WDR35: variants seen among roughly 807,000 people sequenced by gnomAD.
WDR35 encodes WD repeat domain 35, also known as WD repeat-containing protein 35.
In WDR35, 118 loss-of-function variants were observed where a neutral mutation model predicts 158.3. The observed-to-expected ratio is 0.75, with a 90% CI of 0.64 to 0.87. The LOEUF is 0.87. Ranked by LOEUF, WDR35 falls within the 40% of genes least tolerant of loss-of-function variation. The probability of loss-of-function intolerance (pLI) is 0.00; values close to 1 mark genes in which losing one functional copy is unlikely to be tolerated. For missense variants in WDR35, 1,263 were observed against 1,405.8 expected, an observed-to-expected ratio of 0.90 and a Z score of 1.62; for synonymous variants, 448 against 476.1, an observed-to-expected ratio of 0.94 and a Z score of 0.77.
At chr2:19,939,846 C>T (rs1016059664) in intron 17 of WDR35, among the ~76,000 whole-genome samples, 7 of 151,876 alleles carry the variant, frequency 4.6e-5, no homozygotes, top group African/African-American at 1.5e-4. Context: ...CAGATCCTTG[C>T]TAAATGTTAG....
At position 19,934,727 on chromosome 2, in the gene WDR35, C is replaced by T. The variant is rs898324257; in HGVS notation, c.2547+744G>A. Among the ~76,000 whole-genome samples the T allele has an allele frequency of 1.3e-5, 2 of 151,988 alleles. No homozygotes were observed. Among genetic ancestry groups the T allele is most frequent in the Non-Finnish European group, 1.5e-5 (1 of 67,986 alleles). On this transcript the variant is annotated intron_variant, in intron 21 of 26. Coordinates refer to ENST00000281405, the MANE Select transcript of WDR35 (RefSeq NM_020779.4). The surrounding 1 kb of genome is among the most constrained non-coding windows in gnomAD (Gnocchi z 4.6). Reference sequence around the variant, plus strand: ...AGTTTCTTTCCTACTCAAGAAAACCCATAGGATTGAAAATAAGGGTGAGTG... The same window carrying T: ...AGTTTCTTTCCTACTCAAGAAAACCTATAGGATTGAAAATAAGGGTGAGTG...
chr2:19,951,515 T>TA, intron 12 of WDR35, 31 bp from the exon 13 acceptor site: 2 of 1,549,254 alleles, frequency 1.3e-6, no homozygotes, highest in Non-Finnish European at 1.8e-6. Flanking sequence ...TCAAAGAAAG[T>TA]TTAAGTATAG....
intron 2 of WDR35, among the ~76,000 whole-genome samples, chr2:19,983,230 A>C (rs1356816937): frequency 6.6e-6 from 1 of 152,188 alleles, no homozygotes; most frequent in Non-Finnish European, 1.5e-5. Flanking sequence ...GGAGATAGCC[A>C]GGAAAGGTAG....
rs1052582676 is a variant in WDR35 at position 19,966,717 on chromosome 2, C to T, written c.1194+7G>A. On this transcript the variant is annotated splice_region_variant and intron_variant, in intron 10 of 26. Coordinates refer to ENST00000281405, the MANE Select transcript of WDR35 (RefSeq NM_020779.4). ...AGCTATGTCTTAAGATATCAAGAAA[C>T]ACCTACCTGAGGATGATTTTCATCA... The T allele has an allele frequency of 6.2e-7, 1 of 1,613,398 alleles. No individual in the cohort carries two copies. The highest frequency in any genetic ancestry group is 8.5e-7 in the Non-Finnish European group (1 of 1,179,810).
At position 19,932,280 on chromosome 2, in the gene WDR35, T is replaced by C; in HGVS notation, c.2823+3A>G. On this transcript the variant is annotated splice_donor_region_variant and intron_variant, in intron 23 of 26. Coordinates refer to ENST00000281405, the MANE Select transcript of WDR35 (RefSeq NM_020779.4). ...CAACTATTCACCAAGATTTTTACAT[T>C]ACCTTAAACATCAGTTTAGCTGCAT... The C allele has an allele frequency of 6.2e-7, 1 of 1,613,166 alleles. No individual in the cohort carries two copies. Among genetic ancestry groups the C allele is most frequent in the East Asian group, 2.2e-5 (1 of 44,702 alleles).
chr2:19,930,217 G>A (rs1670481324), intron 25 of WDR35, among the ~76,000 whole-genome samples, 179 bp downstream of exon 25: 1 of 151,876 alleles, frequency 6.6e-6, no homozygotes, highest in Admixed American at 6.6e-5. Flanking sequence ...TGAACTATGT[G>A]TTTTCTCTGT....
rs747912198 is a variant in WDR35 at position 19,974,571 on chromosome 2, A to G, written c.633T>C (p.His211=). 3.0e-5 allele frequency: 49 copies of G among 1,613,512 alleles called. No individual in the cohort carries two copies. The highest frequency in any genetic ancestry group is 3.7e-5 in the Non-Finnish European group (44 of 1,179,808). The part of the protein sequence containing the change: ...VTGAISIAGI[H]WYHGTEGYVE... ...CGTAGCCTTCTGTGCCATGGTACCAATGAATTCCAGCAATGCTGATAGCTC... is the reference window on the plus strand; with the variant it reads ...CGTAGCCTTCTGTGCCATGGTACCAGTGAATTCCAGCAATGCTGATAGCTC... Residue 211 remains histidine (H), a synonymous_variant, in exon 7 of 27, where the codon CAT becomes CAC. Coordinates refer to ENST00000281405, the MANE Select transcript of WDR35 (RefSeq NM_020779.4).
chr2:19,972,705 A>G (rs1045041933), intron 8 of WDR35, among the ~76,000 whole-genome samples: 1 of 152,114 alleles, frequency 6.6e-6, no homozygotes, highest in African/African-American at 2.4e-5. Context: ...TTGCCCTAAA[A>G]GAAATTATTA....
intron 11 of WDR35, 74 bp downstream of exon 11, chr2:19,960,480 C>G: frequency 8.5e-7 from 1 of 1,175,520 alleles, no homozygotes; most frequent in Non-Finnish European, 1.2e-6. Context: ...TTAATAATAC[C>G]AGTGTTAGGT....
In WDR35 at chr2:19,913,546, T is replaced by C; in HGVS notation, c.*12A>G. ...ACATATATTTTACAGTTATATACAG[T>C]TTATCATTCCTTTATCCCACTGGAC... On this transcript the variant is annotated 3_prime_UTR_variant, in exon 27 of 27. Transcript: ENST00000281405. The C allele has an allele frequency of 6.2e-7, 1 of 1,613,992 alleles. No individual in the cohort carries two copies. Among genetic ancestry groups the C allele is most frequent in the Non-Finnish European group, 8.5e-7 (1 of 1,179,916 alleles).
At chr2:19,988,082 A>G (rs1672628644) in intron 2 of WDR35, among the ~76,000 whole-genome samples, 1 of 152,140 alleles carries the variant, frequency 6.6e-6, no homozygotes, top group East Asian at 1.9e-4. Flanking sequence ...GTTAAAAACA[A>G]GGACTTGAAT....
At chr2:19,948,352 A>C (rs1042867488) in intron 13 of WDR35, 135 bp from the exon 14 acceptor site, 1 of 730,906 alleles carries the variant, frequency 1.4e-6, no homozygotes, top group Non-Finnish European at 2.3e-6. Flanking sequence ...CTGAGCACCT[A>C]CTATGTGCCA....
chr2:19,968,186 T>C (rs1294046671), intron 9 of WDR35, among the ~76,000 whole-genome samples: 3 of 152,210 alleles, frequency 2.0e-5, no homozygotes, highest in Non-Finnish European at 4.4e-5. Context: ...TATCATGCCA[T>C]ATCAGGGGGC....
chr2:19,974,968 G>C (rs545284441), intron 6 of WDR35, among the ~76,000 whole-genome samples: 1 of 152,112 alleles, frequency 6.6e-6, no homozygotes, highest in Non-Finnish European at 1.5e-5. Context: ...CCTAACCCTT[G>C]CTAAAAAACA....
rs1227203458 is a variant in WDR35, at chr2:19,990,055, C to T, written c.-40G>A. 1.9e-6 allele frequency: 3 copies of T among 1,612,058 alleles called. No individual in the cohort carries two copies. The highest frequency in any genetic ancestry group is 1.3e-5 in the African/African-American group (1 of 75,048). ...GAGGGTCACGGCGGCCGCTAAGGCC[C>T]TCGACAAGTAACGGTTCTACGTCTC... is the stretch of plus-strand genomic sequence containing the variant. On this transcript the variant is annotated 5_prime_UTR_variant, in exon 1 of 27. Coordinates refer to ENST00000281405, the MANE Select transcript of WDR35 (RefSeq NM_020779.4).
At position 19,931,314 on chromosome 2, in the gene WDR35, C is replaced by G; in HGVS notation, c.2919G>C (p.Gln973His). ...CTTTTCCTCGCTGGGCATTCTTCAT[C>G]TGTTCATGGTATTGCTCTATAAGTA... Reference protein sequence around the residue: ...SALLIEQYHEQMKNAQRGKVK... With the variant: ...SALLIEQYHEHMKNAQRGKVK... The change falls in exon 24 of 27, where the codon CAG becomes CAC. Residue 973 changes from glutamine to histidine, a missense_variant. By Grantham distance (24) the Gln-to-His change is conservative. Transcript: ENST00000281405. The G allele has an allele frequency of 6.2e-7, 1 of 1,612,776 alleles. No homozygotes were observed. Among genetic ancestry groups the G allele is most frequent in the Non-Finnish European group, 8.5e-7 (1 of 1,179,600 alleles).
chr2:19,988,814 C>G (rs1266439392), intron 2 of WDR35, among the ~76,000 whole-genome samples: 1 of 152,160 alleles, frequency 6.6e-6, no homozygotes, highest in Non-Finnish European at 1.5e-5. Flanking sequence ...ATGACACAGA[C>G]CTGTAAACAA....
chr2:19,938,026 CATTT>C, intron 18 of WDR35, 80 bp from the exon 19 acceptor site: 1 of 1,512,016 alleles, frequency 6.6e-7, no homozygotes, highest in South Asian at 1.1e-5. Context: ...ATTCAATTAT[CATTT>C]ATGTCTATTA....
intron 2 of WDR35, 144 bp from the exon 3 acceptor site, chr2:19,982,678 A>G (rs1572368849): frequency 2.3e-6 from 2 of 864,854 alleles, no homozygotes; most frequent in East Asian, 5.3e-5. Context: ...TGGTATAAAC[A>G]TGAACAATAA....
Sources: gnomAD v4.1 joint callset for allele counts (sites outside exome capture counted in the v4.1 genomes callset) on GRCh38, gnomAD v4.1.1 for gene constraint, Gnocchi (gnomAD v3.1) non-coding constraint, MANE v1.5 for transcripts, NCBI Gene and HGNC (gene_info 2026-07-23, HGNC 2026-07-21) for gene names.